Variants in ZNF527 observed in about 807,000 individuals in gnomAD.
The protein encoded by ZNF527 is zinc finger protein 527.
A neutral mutation model predicts 13.5 loss-of-function variants in ZNF527; 5 were observed. The observed-to-expected ratio is 0.37, with a 90% confidence interval of 0.19 to 0.78. The LOEUF is 0.78. ZNF527 is among the 30% of genes least tolerant of loss of function. The probability of loss-of-function intolerance (pLI) is 0.48; values close to 1 mark genes in which losing one functional copy is unlikely to be tolerated. For synonymous variants in ZNF527, 209 were observed against 243.1 expected (o/e 0.86, Z 1.30); for missense variants, 628 against 726.4 (o/e 0.86, Z 1.56).
At chr19:37,380,146 C>G (rs1257856375) in intron 3 of ZNF527, 131 bp from the exon 4 acceptor site, 2 of 1,436,570 alleles carry the variant, frequency 1.4e-6, no homozygotes, top group Non-Finnish European at 1.8e-6. Context: ...TTCTCTAGCT[C>G]TTCCTCTAAT....
In ZNF527 at chr19:37,390,485, G is replaced by A. The variant is rs1199130794; in HGVS notation, c.*606G>A. Reference sequence around the variant, plus strand: ...TGATAAGGGATTGGCAAATGGCCCTGTCTGGATCAATGAAGTCCTTTGCGG... The same window carrying A: ...TGATAAGGGATTGGCAAATGGCCCTATCTGGATCAATGAAGTCCTTTGCGG... On this transcript the variant is annotated 3_prime_UTR_variant, in exon 5 of 5. Transcript: ENST00000436120. 1.3e-5 allele frequency: 2 copies of A among 152,404 alleles called. No individual in the cohort carries two copies. Among genetic ancestry groups the A allele is most frequent in the Non-Finnish European group, 2.9e-5 (2 of 68,212 alleles). The allele number at this position is 152,404 out of a possible 1,614,324, so 9.4% of individuals were successfully genotyped here. A position where few individuals can be genotyped will look rare whatever the true frequency, so the allele number is the denominator to read the frequency against.
intron 3 of ZNF527, chr19:37,379,458 T>TTA: frequency 8.1e-5 from 28 of 346,416 alleles, no homozygotes; most frequent in Middle Eastern, 8.5e-4. Flanking sequence ...ATGAAGTAAT[T>TTA]TCTTTTTTTT....
rs145684703 is a variant in ZNF527 at position 37,389,377 on chromosome 19, A to G, written c.1328A>G (p.Lys443Arg). The G allele has an allele frequency of 6.0e-5, 97 of 1,614,200 alleles. No individual in the cohort carries two copies. In the Admixed American group the frequency reaches 1.6e-3, roughly 27 times the overall value. Residue 443 changes from lysine to arginine, a missense_variant, in exon 5 of 5, where the codon AAA (lysine) becomes AGA (arginine). Lys to Arg is a conservative substitution (Grantham distance 26). Around this residue, in one of 3 missense-constraint regions of ZNF527, gnomAD observed 592 missense variants for 678.0 expected, o/e 0.87. Transcript: ENST00000436120. ...QRIHTGEKPF[K>R]CSECGKTFGY... is the part of the protein sequence containing the mutation. ...ATTCACACAGGAGAGAAACCCTTCA[A>G]ATGTAGTGAATGTGGGAAGACCTTT... is the stretch of plus-strand genomic sequence containing the variant.
At chr19:37,381,568 G>GCA (rs1264239474) in intron 4 of ZNF527, among the ~76,000 whole-genome samples, 1 of 152,104 alleles carries the variant, frequency 6.6e-6, no homozygotes, top group Non-Finnish European at 1.5e-5. Context: ...TGTTAACTTT[G>GCA]CACACTTAGT....
At chr19:37,383,736 A>C (rs2146817034) in intron 4 of ZNF527, among the ~76,000 whole-genome samples, 1 of 150,984 alleles carries the variant, frequency 6.6e-6, no homozygotes, top group East Asian at 2.0e-4. Flanking sequence ...ACCGGGTTTC[A>C]CCATATTGGC....
chr19:37,382,456 G>T (rs1304691715), intron 4 of ZNF527, among the ~76,000 whole-genome samples: 2 of 151,638 alleles, frequency 1.3e-5, no homozygotes. Flanking sequence ...TGCTTTACAG[G>T]GTTTATTGTA....
At chr19:37,388,163 G>T in intron 4 of ZNF527, 143 bp from the exon 5 acceptor site, 2 of 819,744 alleles carry the variant, frequency 2.4e-6, no homozygotes, top group South Asian at 3.7e-5. Context: ...TGTTCATATT[G>T]CATGGCCATA....
chr19:37,378,307 C>T (rs560524441), intron 2 of ZNF527, among the ~76,000 whole-genome samples: 121 of 152,132 alleles, frequency 8.0e-4, no homozygotes, highest in African/African-American at 2.6e-3. Flanking sequence ...GGATTACAGG[C>T]GTGAACCACT....
rs1035867460 is a variant in ZNF527, at chr19:37,374,368, T to C, written c.33+137T>C. On this transcript the variant is annotated intron_variant, in intron 2 of 4. Transcript: ENST00000436120. ...CCACCTTTTGTTCATATAATCCTTCTACAAAACATTTAATATCTTTTTTAG... is the reference window on the plus strand; with the variant it reads ...CCACCTTTTGTTCATATAATCCTTCCACAAAACATTTAATATCTTTTTTAG... 9.1e-6 allele frequency: 7 copies of C among 768,258 alleles called. No homozygotes were observed. The African/African-American group carries it at 1.2e-4, about 14-fold the overall frequency. 47.6% of individuals were successfully genotyped at this position (768,258 alleles called of 1,614,324 possible). A position where few individuals can be genotyped will look rare whatever the true frequency, so the allele number is the denominator to read the frequency against.
In ZNF527 at chr19:37,382,220, C is replaced by T. The variant is rs541014436; in HGVS notation, c.256+1848C>T. The stretch of plus-strand genomic sequence containing the variant: ...GAAACCAAGCTAGGTATGCTCTAGG[C>T]TACTGGGATATCACTCTTTCTGGCC... On this transcript the variant is annotated intron_variant, in intron 4 of 4. Coordinates refer to ENST00000436120, the MANE Select transcript of ZNF527 (RefSeq NM_032453.2). Among the ~76,000 whole-genome samples, 3 of 152,142 alleles carry T rather than the reference C, an allele frequency of 2.0e-5. No homozygotes were observed. The South Asian group carries it at 6.2e-4, about 32-fold the overall frequency.
At position 37,392,132 on chromosome 19, in the gene ZNF527, T is replaced by G. The variant is rs2040759896; in HGVS notation, c.*2253T>G. ...AAACCTTGAATAGAAACAAATATGATTATAAAATATTTCCAAACTTATGTT... is the reference window on the plus strand; with the variant it reads ...AAACCTTGAATAGAAACAAATATGAGTATAAAATATTTCCAAACTTATGTT... On this transcript the variant is annotated 3_prime_UTR_variant, in exon 5 of 5. Transcript: ENST00000436120. The G allele has an allele frequency of 6.6e-6, 1 of 152,198 alleles. No homozygotes were observed. The highest frequency in any genetic ancestry group is 2.4e-5 in the African/African-American group (1 of 41,448). 9.4% of individuals were successfully genotyped at this position (152,198 alleles called of 1,614,324 possible).
At chr19:37,374,087 T>C in intron 1 of ZNF527, 71 bp from the exon 2 acceptor site, 1 of 1,026,468 alleles carries the variant, frequency 9.7e-7, no homozygotes, top group South Asian at 1.3e-5. Context: ...GGCAGTAGTA[T>C]TTTTGTGGGT....
chr19:37,387,497 C>T (rs2040710066), intron 4 of ZNF527, among the ~76,000 whole-genome samples: 1 of 152,204 alleles, frequency 6.6e-6, no homozygotes, highest in South Asian at 2.1e-4. Flanking sequence ...CCCCCCTCTA[C>T]TAGGTACTTC....
chr19:37,374,952 T>G (rs2040586878), intron 2 of ZNF527, among the ~76,000 whole-genome samples: 1 of 152,122 alleles, frequency 6.6e-6, no homozygotes, highest in South Asian at 2.1e-4. Flanking sequence ...GGTGGTGGCA[T>G]TGGAGCTAGT....
At chr19:37,385,398 A>C (rs1011019135) in intron 4 of ZNF527, 8 of 398,618 alleles carry the variant, frequency 2.0e-5, no homozygotes, top group Non-Finnish European at 3.1e-5. Flanking sequence ...GTTTCTCTTG[A>C]TATTTTTTTC....
In ZNF527 at chr19:37,391,621, T is replaced by C. The variant is rs2040755612; in HGVS notation, c.*1742T>C. On this transcript the variant is annotated 3_prime_UTR_variant, in exon 5 of 5. Coordinates refer to ENST00000436120, the MANE Select transcript of ZNF527 (RefSeq NM_032453.2). ...TAAATAAATAAATAAATAAATTTGG[T>C]TTAAGAAGTGTATGGATAACTTCTT... is the stretch of plus-strand genomic sequence containing the variant. 1 of 151,090 alleles carries C rather than the reference T, an allele frequency of 6.6e-6. No homozygotes were observed. Among genetic ancestry groups the C allele is most frequent in the Admixed American group, 6.6e-5 (1 of 15,154 alleles). 9.4% of individuals were successfully genotyped at this position (151,090 alleles called of 1,614,324 possible). A position where few individuals can be genotyped will look rare whatever the true frequency, so the allele number is the denominator to read the frequency against.
chr19:37,373,209 A>G (rs1464053088), intron 1 of ZNF527, among the ~76,000 whole-genome samples: 1 of 152,216 alleles, frequency 6.6e-6, no homozygotes, highest in Non-Finnish European at 1.5e-5. Context: ...CAGTCTCTCT[A>G]TCTTTGTGCT....
intron 4 of ZNF527, among the ~76,000 whole-genome samples, chr19:37,387,745 T>G (rs1190876790): frequency 2.0e-5 from 3 of 152,224 alleles, no homozygotes; most frequent in African/African-American, 4.8e-5. Context: ...ATATAAATTT[T>G]TCCTGGACCC....
chr19:37,381,475 G>T (rs1040026526), intron 4 of ZNF527, among the ~76,000 whole-genome samples: 8 of 152,130 alleles, frequency 5.3e-5, no homozygotes, highest in African/African-American at 1.9e-4. Context: ...TTTTTGCAAA[G>T]AATGTCACAG....
Sources: allele counts gnomAD v4.1 joint callset (sites outside exome capture counted in the v4.1 genomes callset), GRCh38; gene constraint gnomAD v4.1.1; regional missense constraint gnomAD v4.1.1; transcripts MANE v1.5; gene names NCBI Gene and HGNC (gene_info 2026-07-23, HGNC 2026-07-21).